SERPINB6: variants seen among roughly 807,000 people sequenced by gnomAD.
SERPINB6 encodes the protein serpin B6.
In SERPINB6, 16 loss-of-function variants were observed where a neutral mutation model predicts 26.1. The ratio of observed to expected loss-of-function variants is 0.61; its 90% CI spans 0.42 to 0.93. SERPINB6 has a LOEUF of 0.93. Among genes scored for constraint, SERPINB6 ranks in the 40% least tolerant of loss-of-function variants. SERPINB6 has a pLI of 0.00. For synonymous variants in SERPINB6, 174 were observed against 176.6 expected (o/e 0.99, Z 0.11); for missense variants, 420 against 478.0 (o/e 0.88, Z 1.13).
intron 1 of SERPINB6, chr6:2,966,302 CA>C: frequency 1.1e-6 from 1 of 943,430 alleles, no homozygotes; most frequent in Non-Finnish European, 1.3e-6. Context: ...TTTTTACAAA[CA>C]ATATATTTCA....
At chr6:2,964,626 A>C (rs946888870) in intron 1 of SERPINB6, among the ~76,000 whole-genome samples, 12 of 152,110 alleles carry the variant, frequency 7.9e-5, no homozygotes, top group African/African-American at 2.9e-4. Flanking sequence ...TCTTTTTATG[A>C]AATTACTATA....
intron 1 of SERPINB6, chr6:2,962,010 A>C (rs1440694516): frequency 1.0e-6 from 1 of 985,190 alleles, no homozygotes; most frequent in Non-Finnish European, 1.2e-6. Flanking sequence ...ACAGCCATGC[A>C]CCACGCCCAG....
intron 1 of SERPINB6, 123 bp from the exon 2 acceptor site, chr6:2,959,465 A>G: frequency 1.1e-6 from 1 of 933,942 alleles, no homozygotes; most frequent in Non-Finnish European, 1.7e-6. Context: ...CACACACAGA[A>G]CTCTGGCTGT....
chr6:2,955,707 G>C (rs375459758), intron 2 of SERPINB6, 37 bp from the exon 3 acceptor site: 35 of 1,611,934 alleles, frequency 2.2e-5, no homozygotes, highest in Non-Finnish European at 2.8e-5. Flanking sequence ...AATCATTCCT[G>C]TATGCTCTGA....
At chr6:2,954,811 T>G (rs561302923) in intron 3 of SERPINB6, 102 bp from the exon 4 acceptor site, 6 of 791,666 alleles carry the variant, frequency 7.6e-6, no homozygotes, top group Non-Finnish European at 1.3e-5. Flanking sequence ...AATTTTATGA[T>G]TGACATACAT....
At chr6:2,970,412 G>A (rs775780142) in intron 1 of SERPINB6, 56 of 1,034,982 alleles carry the variant, frequency 5.4e-5, no homozygotes, top group Non-Finnish European at 6.4e-5. Context: ...GAGAACAAAC[G>A]CCATCTATGC....
chr6:2,965,366 G>A (rs935433836), intron 1 of SERPINB6, among the ~76,000 whole-genome samples: 12 of 152,158 alleles, frequency 7.9e-5, no homozygotes, highest in Admixed American at 2.0e-4. Context: ...TCATAGACGG[G>A]GACAAGTTTC....
intron 1 of SERPINB6, chr6:2,969,656 T>C: frequency 1.0e-6 from 1 of 985,430 alleles, no homozygotes; most frequent in African/African-American, 1.7e-5. Flanking sequence ...ATTGTGCTTC[T>C]CAACTTCTAT....
At chr6:2,964,064 C>G (rs1561688203) in intron 1 of SERPINB6, 2 of 152,260 alleles carry the variant, frequency 1.3e-5, no homozygotes, top group Non-Finnish European at 2.9e-5. Context: ...CATTATAAAG[C>G]CTTGTCTGGG....
chr6:2,970,978 C>G (rs1038659599), intron 1 of SERPINB6: 50 of 1,169,624 alleles, frequency 4.3e-5, no homozygotes, highest in Non-Finnish European at 4.9e-5. Flanking sequence ...CCGGATGGCA[C>G]CGTTTGGCGC....
chr6:2,961,836 TC>T (rs1771148503), intron 1 of SERPINB6: 11 of 983,868 alleles, frequency 1.1e-5, no homozygotes, highest in Non-Finnish European at 1.3e-5. Flanking sequence ...CCCAACCCCA[TC>T]CTAGACTATT....
chr6:2,953,040 T>C lies in SERPINB6; in HGVS notation c.573+4A>G. ...CGCTGCTCCTGTCACGGCCCCTTAC[T>C]CGCCTTGCTGACTTTAAACAGTCTC... On this transcript the variant is annotated splice_donor_region_variant and intron_variant, in intron 5 of 6. Coordinates refer to ENST00000380539, the MANE Select transcript of SERPINB6 (RefSeq NM_004568.6). 1 of 1,614,206 alleles carries C rather than the reference T, an allele frequency of 6.2e-7. No individual in the cohort carries two copies. The highest frequency in any genetic ancestry group is 8.5e-7 in the Non-Finnish European group (1 of 1,180,032).
At chr6:2,969,994 G>A in intron 1 of SERPINB6, 1 of 871,776 alleles carries the variant, frequency 1.1e-6, no homozygotes, top group Non-Finnish European at 1.4e-6. Context: ...AATTAGCCAG[G>A]TATGGAGCCC....
chr6:2,949,838 C>A (rs910264651), intron 5 of SERPINB6, among the ~76,000 whole-genome samples: 2 of 152,194 alleles, frequency 1.3e-5, no homozygotes, highest in Admixed American at 1.3e-4. Flanking sequence ...AAGAGCTCGT[C>A]CCCAGTTCCC....
chr6:2,962,773 T>C (rs1477534152), intron 1 of SERPINB6, among the ~76,000 whole-genome samples: 1 of 152,242 alleles, frequency 6.6e-6, no homozygotes, highest in East Asian at 1.9e-4. Context: ...GAAACTATGT[T>C]AGTCATTAAA....
At chr6:2,962,438 G>A (rs1453177965) in intron 1 of SERPINB6, among the ~76,000 whole-genome samples, 1 of 152,206 alleles carries the variant, frequency 6.6e-6, no homozygotes, top group African/African-American at 2.4e-5. Context: ...AGGGTCTCTA[G>A]TCCTGGCTCT....
chr6:2,955,808 A>G, intron 2 of SERPINB6, 138 bp from the exon 3 acceptor site: 1 of 918,628 alleles, frequency 1.1e-6, no homozygotes, highest in Non-Finnish European at 1.6e-6. Flanking sequence ...TGGGCGCAGC[A>G]GCTCACGCCT....
At chr6:2,953,291 A>ATCCGT in intron 4 of SERPINB6, 105 bp from the exon 5 acceptor site, 1 of 1,461,374 alleles carries the variant, frequency 6.8e-7, no homozygotes, top group Non-Finnish European at 9.5e-7. Flanking sequence ...GTGCACGGAT[A>ATCCGT]GAGAGTTCCA....
Position 2,948,317 on chromosome 6 carries a change from C to A in SERPINB6, c.1112G>T (p.Gly371Val), listed in dbSNP as rs192407835. The A allele has an allele frequency of 1.1e-5, 18 of 1,613,794 alleles. No individual in the cohort carries two copies. The Admixed American group carries it at 2.8e-4, about 25-fold the overall frequency. ...HSKTNGILFC[G>V]RFSSP ...CTGTCCTCACGGAGAGGAAAAGCGG[C>A]CGCAGAAGAGAATCCCGTTGGTCTT... Residue 371 changes from glycine (G) to valine (V), a missense_variant, in exon 7 of 7, where the codon GGC becomes GTC. Transcript: ENST00000380539. This position sits in a 1 kb window ranked among gnomAD's most constrained non-coding sequence, Gnocchi z 5.0.
Sources: gnomAD v4.1 joint callset for allele counts (sites outside exome capture counted in the v4.1 genomes callset) on GRCh38, gnomAD v4.1.1 for gene constraint, Gnocchi (gnomAD v3.1) non-coding constraint, MANE v1.5 for transcripts, NCBI Gene and HGNC (gene_info 2026-07-23, HGNC 2026-07-21) for gene names.